Variants in CCDC88A observed in about 807,000 individuals in gnomAD.
CCDC88A encodes the protein girdin.
CCDC88A carries 54 observed loss-of-function variants against 234.3 expected under a neutral mutation model. That is an observed-to-expected ratio of 0.23 (90% CI 0.19 to 0.29). CCDC88A has a LOEUF of 0.29. Among genes scored for constraint, CCDC88A ranks in the 10% least tolerant of loss-of-function variants. The pLI is 1.00. For missense variants in CCDC88A, 1,832 were observed against 2,123.4 expected (o/e 0.86, Z 2.70); for synonymous variants, 753 against 737.8 (o/e 1.02, Z -0.33).
intron 3 of CCDC88A, among the ~76,000 whole-genome samples, chr2:55,380,912 A>G (rs1674481498): frequency 6.6e-6 from 1 of 152,208 alleles, no homozygotes; most frequent in Admixed American, 6.5e-5. Context: ...CACTGGGCCC[A>G]GCCAACCACA....
rs115870739 is a variant in CCDC88A, at chr2:55,368,032, T to A, written c.403-3999A>T. On this transcript the variant is annotated intron_variant, in intron 5 of 32. Coordinates refer to ENST00000436346, the MANE Select transcript of CCDC88A (RefSeq NM_001365480.1). ...ACAAAGAAATTTCCAAACAAAACAC[T>A]GCAAAACTTTTTCTTCTGCATAGGA... is the stretch of plus-strand genomic sequence containing the variant. Among the ~76,000 whole-genome samples the A allele has an allele frequency of 2.8e-3, 431 of 152,306 alleles. 2 individuals carry two copies. Among genetic ancestry groups the A allele is most frequent in the African/African-American group, 0.01 (416 of 41,580 alleles).
intron 2 of CCDC88A, chr2:55,417,742 G>C (rs1558862676): frequency 6.6e-6 from 1 of 151,914 alleles, no homozygotes; most frequent in African/African-American, 2.4e-5. Context: ...ATTTTTTATA[G>C]ATGTGACTTC....
chr2:55,377,194 C>CTTTTT (rs11443883), intron 3 of CCDC88A, among the ~76,000 whole-genome samples: 1 of 115,046 alleles, frequency 8.7e-6, no homozygotes, highest in Non-Finnish European at 1.7e-5. Flanking sequence ...TCACTATAGA[C>CTTTTT]TTTTTTTTTT....
Position 55,419,371 on chromosome 2 carries a change from G to A in CCDC88A, c.-292C>T. 2.5e-6 allele frequency: 1 copy of A among 392,778 alleles called. No individual in the cohort carries two copies. Among genetic ancestry groups the A allele is most frequent in the African/African-American group, 2.0e-5 (1 of 48,940 alleles). 24.3% of individuals were successfully genotyped at this position (392,778 alleles called of 1,614,324 possible). On this transcript the variant is annotated 5_prime_UTR_variant, in exon 1 of 33. Coordinates refer to ENST00000436346, the MANE Select transcript of CCDC88A (RefSeq NM_001365480.1). ...AAAGGCATCTGGAGGAGGAGGAAGG[G>A]AAAGGGGGCTGGAACCCAAGACAAA...
At chr2:55,301,835 C>A in intron 27 of CCDC88A, 37 bp downstream of exon 27, 1 of 1,558,394 alleles carries the variant, frequency 6.4e-7, no homozygotes, top group Non-Finnish European at 8.8e-7. Flanking sequence ...TTGTTGCCAA[C>A]AATTACACCA....
At chr2:55,380,332 A>G (rs1674391169) in intron 3 of CCDC88A, among the ~76,000 whole-genome samples, 1 of 152,176 alleles carries the variant, frequency 6.6e-6, no homozygotes, top group Non-Finnish European at 1.5e-5. Context: ...AAGATATGCA[A>G]GTATTCAAAT....
intron 29 of CCDC88A, among the ~76,000 whole-genome samples, chr2:55,297,496 C>T (rs1232808137): frequency 2.8e-5 from 4 of 144,444 alleles, no homozygotes; most frequent in South Asian, 2.1e-4. Context: ...CTACAACCCC[C>T]GCCTCCTGGG....
intron 2 of CCDC88A, among the ~76,000 whole-genome samples, chr2:55,400,731 T>G (rs905499737): frequency 6.6e-6 from 1 of 152,216 alleles, no homozygotes; most frequent in Non-Finnish European, 1.5e-5. Flanking sequence ...CTTTAATGGC[T>G]CTATGCTCTT....
In CCDC88A at chr2:55,312,596, A is replaced by AT. The variant is rs1341239595; in HGVS notation, c.3934-18dup. ...GCTTAGCAACTGTTTAAACACAAAC[A>AT]TTTTTTAAAAAATCAACATTTACAT... On this transcript the variant is annotated splice_polypyrimidine_tract_variant and intron_variant, in intron 22 of 32. Coordinates refer to ENST00000436346, the MANE Select transcript of CCDC88A (RefSeq NM_001365480.1). 3 of 1,577,744 alleles carry AT rather than the reference A, an allele frequency of 1.9e-6. No individual in the cohort carries two copies. Among genetic ancestry groups the AT allele is most frequent in the African/African-American group, 2.7e-5 (2 of 73,722 alleles).
At chr2:55,311,743 G>A (rs1296073274) in intron 23 of CCDC88A, among the ~76,000 whole-genome samples, 2 of 152,138 alleles carry the variant, frequency 1.3e-5, no homozygotes, top group African/African-American at 4.8e-5. Context: ...CTACCCACTG[G>A]GCTGCACAGG....
At chr2:55,343,458 TTGTAAGACA>T (rs1351114269) in intron 12 of CCDC88A, among the ~76,000 whole-genome samples, 181 bp downstream of exon 12, 1 of 152,092 alleles carries the variant, frequency 6.6e-6, no homozygotes, top group Non-Finnish European at 1.5e-5. Context: ...TGAAATTCAG[TTGTAAGACA>T]TGTAAAGCTA....
chr2:55,311,550 C>T (rs1454090328), intron 23 of CCDC88A, among the ~76,000 whole-genome samples: 3 of 152,150 alleles, frequency 2.0e-5, no homozygotes, highest in African/African-American at 7.2e-5. Flanking sequence ...AAAGAAGAAA[C>T]TAATGATCAA....
chr2:55,418,554 G>A, intron 2 of CCDC88A: 5 of 467,788 alleles, frequency 1.1e-5, no homozygotes, highest in Non-Finnish European at 1.9e-5. Context: ...ATGTGGCTTG[G>A]ATTTCAGTAC....
intron 5 of CCDC88A, among the ~76,000 whole-genome samples, chr2:55,364,616 ACAGAG>A (rs1453045597): frequency 1.3e-5 from 2 of 152,110 alleles, no homozygotes; most frequent in Non-Finnish European, 2.9e-5. Flanking sequence ...TTTGTTTCTA[ACAGAG>A]CAAAGTTACC....
intron 2 of CCDC88A, among the ~76,000 whole-genome samples, chr2:55,391,970 A>G (rs1305620007): frequency 6.6e-6 from 1 of 152,168 alleles, no homozygotes; most frequent in Admixed American, 6.5e-5. Context: ...CCTTTTGTTG[A>G]TGTACATGAA....
At chr2:55,346,427 T>G (rs1416039432) in intron 9 of CCDC88A, 94 bp from the exon 10 acceptor site, 1 of 711,936 alleles carries the variant, frequency 1.4e-6, no homozygotes, top group Non-Finnish European at 2.1e-6. Flanking sequence ...ATTTATTTAT[T>G]TATTTATTTG....
rs555454754 is a variant in CCDC88A, at chr2:55,396,237, A to C, written c.165-7351T>G. 5.9e-5 allele frequency among the ~76,000 whole-genome samples: 9 copies of C among 152,358 alleles called. No homozygotes were observed. In the South Asian group the frequency reaches 1.2e-3, roughly 21 times the overall value. On this transcript the variant is annotated intron_variant, in intron 2 of 32. Transcript: ENST00000436346. Reference sequence around the variant, plus strand: ...TAATTGGGAGAACAGAGTAAGAACAACACCAGTAACAAAAATTTTAGGTAT... The same window carrying C: ...TAATTGGGAGAACAGAGTAAGAACACCACCAGTAACAAAAATTTTAGGTAT...
intron 3 of CCDC88A, among the ~76,000 whole-genome samples, chr2:55,376,795 T>C (rs575904224): frequency 6.6e-6 from 1 of 152,218 alleles, no homozygotes; most frequent in Non-Finnish European, 1.5e-5. Context: ...ACTATGTGTG[T>C]AACAGCTAAA....
rs185006852 is a variant in CCDC88A, at chr2:55,395,738, A to G, written c.165-6852T>C. ...CTGTGTCTCAAAAATCAGTTGACTA[A>G]TAGAGTCCTAAACTACAATTTGAGA... is the stretch of plus-strand genomic sequence containing the variant. On this transcript the variant is annotated intron_variant, in intron 2 of 32. Coordinates refer to ENST00000436346, the MANE Select transcript of CCDC88A (RefSeq NM_001365480.1). 2.6e-5 allele frequency among the ~76,000 whole-genome samples: 4 copies of G among 152,342 alleles called. No individual in the cohort carries two copies. In the East Asian group the frequency reaches 7.7e-4, roughly 29 times the overall value.
Sources: gnomAD v4.1 joint callset for allele counts (sites outside exome capture counted in the v4.1 genomes callset) on GRCh38, gnomAD v4.1.1 for gene constraint, MANE v1.5 for transcripts, NCBI Gene and HGNC (gene_info 2026-07-23, HGNC 2026-07-21) for gene names.